ZNF442: variants seen among roughly 807,000 people sequenced by gnomAD.
ZNF442 encodes the protein zinc finger protein 442.
ZNF442 carries 45 observed loss-of-function variants against 57.0 expected under a neutral mutation model. The observed-to-expected ratio is 0.79, with a 90% CI of 0.62 to 1.01. The LOEUF (loss-of-function observed/expected upper bound fraction) is 1.01, where lower values mean the gene tolerates loss of function less well. ZNF442 is among the 50% of genes least tolerant of loss of function. The probability of loss-of-function intolerance (pLI) is 0.00; values close to 1 mark genes in which losing one functional copy is unlikely to be tolerated. For missense variants in ZNF442, 690 were observed against 756.5 expected, an observed-to-expected ratio of 0.91 and a Z score of 1.03; for synonymous variants, 213 against 241.8, an observed-to-expected ratio of 0.88 and a Z score of 1.10.
intron 3 of ZNF442, among the ~76,000 whole-genome samples, chr19:12,358,251 C>T (rs1969367986): frequency 6.6e-6 from 1 of 152,228 alleles, no homozygotes; most frequent in Admixed American, 6.5e-5. Flanking sequence ...GCGTGAGCCA[C>T]CGTGCCTAGC....
In ZNF442 at chr19:12,351,193, T is replaced by G. The variant is rs1306955656; in HGVS notation, c.392A>C (p.Asn131Thr). Residue 131 changes from asparagine to threonine, a missense_variant, in exon 6 of 6, where the codon AAT becomes ACT. Physicochemically the swap from Asn to Thr is moderately conservative, Grantham distance 65 (BLOSUM62 0). Coordinates refer to ENST00000242804, the MANE Select transcript of ZNF442 (RefSeq NM_030824.3). ...TCCAGCATCAAATGTGATATAGCAA[T>G]TAAGGAATGAACAACCCATGATTTC... is the stretch of plus-strand genomic sequence containing the variant. ...CGEIMGCSFLNCYITFDAGHK... is the reference protein window; with the variant it reads ...CGEIMGCSFLTCYITFDAGHK... The G allele has an allele frequency of 6.2e-7, 1 of 1,614,156 alleles. No homozygotes were observed. Among genetic ancestry groups the G allele is most frequent in the South Asian group, 1.1e-5 (1 of 91,080 alleles).
intron 3 of ZNF442, among the ~76,000 whole-genome samples, chr19:12,356,636 A>AAAAAAAAAAG (rs1032081069): frequency 1.5e-4 from 23 of 151,772 alleles, no homozygotes; most frequent in African/African-American, 5.1e-4. Context: ...TCAAAAAAAA[A>AAAAAAAAAAG]AGAGAGAGAG....
rs1182165661 is a variant in ZNF442, at chr19:12,347,624, T to C, written c.*2077A>G. On this transcript the variant is annotated 3_prime_UTR_variant, in exon 6 of 6. Transcript: ENST00000242804. Reference sequence around the variant, plus strand: ...AAACTGAAAATGTCAGCCCCGCCCATAACTTCAACAGAGAATAACGGCCCT... The same window carrying C: ...AAACTGAAAATGTCAGCCCCGCCCACAACTTCAACAGAGAATAACGGCCCT... The C allele has an allele frequency of 1.3e-5, 2 of 152,206 alleles. No individual in the cohort carries two copies. The highest frequency in any genetic ancestry group is 2.9e-5 in the Non-Finnish European group (2 of 68,054). 9.4% of individuals were successfully genotyped at this position (152,206 alleles called of 1,614,324 possible). A position where few individuals can be genotyped will look rare whatever the true frequency, so the allele number is the denominator to read the frequency against.
chr19:12,366,148 A>G (rs1377050827), upstream of ZNF442, among the ~76,000 whole-genome samples: 1 of 152,158 alleles, frequency 6.6e-6, no homozygotes, highest in African/African-American at 2.4e-5. Flanking sequence ...CCTTTCTCCC[A>G]CCTTATCTCC....
At chr19:12,373,678 C>A in the ZNF442 span, 2 of 303,238 alleles carry the variant, frequency 6.6e-6, no homozygotes, top group South Asian at 3.5e-5. Flanking sequence ...CAATATGTGC[C>A]GCCAGTGTTT....
At chr19:12,370,889 C>G (rs1969575442), upstream of ZNF442, among the ~76,000 whole-genome samples, 1 of 151,168 alleles carries the variant, frequency 6.6e-6, no homozygotes, top group Non-Finnish European at 1.5e-5. Flanking sequence ...AGGAGAGTCG[C>G]TTCAACCCGG....
the ZNF442 span, chr19:12,373,624 C>A: frequency 7.8e-6 from 2 of 257,742 alleles, no homozygotes; most frequent in South Asian, 9.4e-5. Flanking sequence ...TCACTCTTGT[C>A]GCATCTGTTC....
At chr19:12,355,067 AG>A (rs1284476660) in intron 3 of ZNF442, among the ~76,000 whole-genome samples, 1 of 151,984 alleles carries the variant, frequency 6.6e-6, no homozygotes, top group East Asian at 2.0e-4. Context: ...TGAGGCAGGC[AG>A]ATCACGAGGT....
rs781119468 is a variant in ZNF442, at chr19:12,349,790, T to A, written c.1795A>T (p.Met599Leu). ...TTCCCACATTCCTTACATTCATGCATCTTCTCTCCAGTGTGAGTTTTTTCA... is the reference window on the plus strand; with the variant it reads ...TTCCCACATTCCTTACATTCATGCAACTTCTCTCCAGTGTGAGTTTTTTCA... ...GHEKTHTGEKMHECKECGKAL... is the reference protein window; with the variant it reads ...GHEKTHTGEKLHECKECGKAL... Residue 599 changes from methionine (M) to leucine (L), a missense_variant, in exon 6 of 6, where the codon ATG (methionine) becomes TTG (leucine). Coordinates refer to ENST00000242804, the MANE Select transcript of ZNF442 (RefSeq NM_030824.3). The A allele has an allele frequency of 6.2e-7, 1 of 1,614,004 alleles. No individual in the cohort carries two copies. Among genetic ancestry groups the A allele is most frequent in the Non-Finnish European group, 8.5e-7 (1 of 1,180,018 alleles).
chr19:12,365,314 G>A (rs1487581812), intron 1 of ZNF442, 71 bp from the exon 2 acceptor site: 1 of 203,792 alleles, frequency 4.9e-6, no homozygotes, highest in African/African-American at 2.4e-5. Flanking sequence ...CGCAGTTGCT[G>A]CGCAGAAACG....
intron 2 of ZNF442, 34 bp from the exon 3 acceptor site, chr19:12,363,705 A>G: frequency 2.2e-6 from 3 of 1,372,536 alleles, no homozygotes; most frequent in Non-Finnish European, 3.1e-6. Context: ...GATTGTCCCA[A>G]GGGTTAGCTT....
upstream of ZNF442, among the ~76,000 whole-genome samples, chr19:12,366,204 G>T (rs944586029): frequency 1.3e-5 from 2 of 152,130 alleles, no homozygotes; most frequent in Non-Finnish European, 2.9e-5. Flanking sequence ...CATCAACAAT[G>T]AAATAAAATT....
chr19:12,359,427 C>T (rs912497086), intron 3 of ZNF442, among the ~76,000 whole-genome samples: 2 of 152,130 alleles, frequency 1.3e-5, no homozygotes, highest in African/African-American at 4.8e-5. Context: ...TTATGCCCCT[C>T]CCCCCTTCTC....
chr19:12,351,882 A>G, intron 5 of ZNF442, 128 bp downstream of exon 5: 1 of 730,174 alleles, frequency 1.4e-6, no homozygotes, highest in Non-Finnish European at 2.2e-6. Context: ...ATGTTTCTGG[A>G]GAAAATTGTA....
upstream of ZNF442, among the ~76,000 whole-genome samples, chr19:12,367,338 T>G (rs1313853709): frequency 1.3e-5 from 2 of 151,550 alleles, no homozygotes; most frequent in African/African-American, 4.9e-5. Context: ...GAACAGGGAG[T>G]AAGTCACAAA....
At chr19:12,362,507 G>T (rs923194594) in intron 3 of ZNF442, among the ~76,000 whole-genome samples, 1 of 151,832 alleles carries the variant, frequency 6.6e-6, no homozygotes, top group Non-Finnish European at 1.5e-5. Flanking sequence ...TGGGAAGTGA[G>T]GAATGTCTCC....
the ZNF442 span, among the ~76,000 whole-genome samples, chr19:12,372,965 G>A: frequency 2.0e-5 from 3 of 152,136 alleles, no homozygotes; most frequent in Non-Finnish European, 2.9e-5. Context: ...GTAGAGACAG[G>A]GTTTCACCAT....
intron 5 of ZNF442, 120 bp from the exon 6 acceptor site, chr19:12,351,438 T>C: frequency 2.4e-6 from 2 of 838,932 alleles, no homozygotes; most frequent in Non-Finnish European, 3.6e-6. Flanking sequence ...ATGCACTGCT[T>C]GAACGTGAAT....
intron 5 of ZNF442, 151 bp downstream of exon 5, chr19:12,351,859 C>G: frequency 1.6e-6 from 1 of 628,144 alleles, no homozygotes; most frequent in East Asian, 2.8e-5. Context: ...ATAGTTATAT[C>G]ACATTTAAGT....
Sources: allele counts gnomAD v4.1 joint callset (sites outside exome capture counted in the v4.1 genomes callset), GRCh38; gene constraint gnomAD v4.1.1; transcripts MANE v1.5; gene names NCBI Gene and HGNC (gene_info 2026-07-23, HGNC 2026-07-21).